EXT1: variants seen among roughly 807,000 people sequenced by gnomAD.
EXT1 encodes the protein exostosin-1.
In EXT1, 20 loss-of-function variants were observed where a neutral mutation model predicts 82.5. The ratio of observed to expected loss-of-function variants is 0.24; its 90% CI spans 0.17 to 0.35. The LOEUF (loss-of-function observed/expected upper bound fraction) is 0.35. Among genes scored for constraint, EXT1 ranks in the 10% least tolerant of loss-of-function variants. The pLI is 1.00. For synonymous variants in EXT1, 348 were observed against 350.8 expected (o/e 0.99, Z 0.09); for missense variants, 757 against 936.5 (o/e 0.81, Z 2.50).
chr8:118,083,890 G>A (rs979571094), intron 1 of EXT1, among the ~76,000 whole-genome samples: 2 of 152,060 alleles, frequency 1.3e-5, no homozygotes, highest in Non-Finnish European at 2.9e-5. Flanking sequence ...TTAGCCAGGT[G>A]TGGTGGTGGA....
intron 3 of EXT1, chr8:117,831,544 T>A: frequency 6.4e-6 from 3 of 470,474 alleles, no homozygotes; most frequent in Non-Finnish European, 1.3e-5. Flanking sequence ...ATTTACGGAG[T>A]CTATAGTCTT....
At chr8:117,954,904 TA>T (rs772391149) in intron 1 of EXT1, among the ~76,000 whole-genome samples, 2 of 152,160 alleles carry the variant, frequency 1.3e-5, no homozygotes, top group Non-Finnish European at 2.9e-5. Flanking sequence ...CACCACAGGT[TA>T]GGGGCTCAGA....
chr8:117,911,069 C>T lies in EXT1; in HGVS notation c.963-73868G>A, dbSNP rs57260876. On this transcript the variant is annotated intron_variant, in intron 1 of 10. Transcript: ENST00000378204. ...TGGCAAAGTGACCCTGACAATAACA[C>T]GTGCTCTCCAACCTTCAGCATCCTC... Among the ~76,000 whole-genome samples the T allele has an allele frequency of 6.6e-3, 1,007 of 152,324 alleles. 8 individuals are homozygous for T. Among genetic ancestry groups the T allele is most frequent in the African/African-American group, 0.019 (808 of 41,564 alleles).
At chr8:117,953,254 A>G (rs1169594738) in intron 1 of EXT1, among the ~76,000 whole-genome samples, 2 of 152,140 alleles carry the variant, frequency 1.3e-5, no homozygotes, top group Non-Finnish European at 2.9e-5. Flanking sequence ...ATCTGCTATA[A>G]TCTTTCCCTA....
chr8:117,993,743 A>G (rs572548105), intron 1 of EXT1, among the ~76,000 whole-genome samples: 2 of 152,336 alleles, frequency 1.3e-5, no homozygotes, highest in Admixed American at 1.3e-4. Flanking sequence ...TACAACTGTA[A>G]TTAACCAGGC....
At chr8:118,016,579 C>G (rs1166622528) in intron 1 of EXT1, among the ~76,000 whole-genome samples, 1 of 152,136 alleles carries the variant, frequency 6.6e-6, no homozygotes, top group Non-Finnish European at 1.5e-5. Flanking sequence ...AGAATTTAGT[C>G]TGGTGGGAAG....
intron 1 of EXT1, among the ~76,000 whole-genome samples, chr8:117,863,413 T>TG (rs999735916): frequency 3.6e-5 from 4 of 110,894 alleles, no homozygotes; most frequent in African/African-American, 5.3e-5. Flanking sequence ...AAGTCTAGGT[T>TG]TTTTTTTTTT....
chr8:118,010,713 C>T (rs929066219), intron 1 of EXT1, among the ~76,000 whole-genome samples: 1 of 152,224 alleles, frequency 6.6e-6, no homozygotes, highest in Non-Finnish European at 1.5e-5. Context: ...TCAATTCTCA[C>T]TGGCAACGGC....
chr8:117,854,820 G>A (rs1339670037), intron 1 of EXT1, among the ~76,000 whole-genome samples: 1 of 152,172 alleles, frequency 6.6e-6, no homozygotes, highest in South Asian at 2.1e-4. Context: ...AGCCAGAGAA[G>A]CATAACTAGA....
At chr8:117,835,694 A>C (rs1191922450) in intron 2 of EXT1, 143 bp from the exon 3 acceptor site, 11 of 683,158 alleles carry the variant, frequency 1.6e-5, no homozygotes, top group Non-Finnish European at 2.6e-5. Context: ...AAGGAAAGGA[A>C]GCTTTTATGA....
chr8:117,856,713 T>C (rs1368139460), intron 1 of EXT1, among the ~76,000 whole-genome samples: 3 of 152,158 alleles, frequency 2.0e-5, no homozygotes, highest in Non-Finnish European at 2.9e-5. Context: ...AGTACTGATC[T>C]AGAAGCTGCA....
Position 118,032,546 on chromosome 8 carries a change from C to T in EXT1, c.962+77539G>A, listed in dbSNP as rs919449713. On this transcript the variant is annotated intron_variant, in intron 1 of 10. Transcript: ENST00000378204. The stretch of plus-strand genomic sequence containing the variant: ...TTTTTTTGAGACAGAGTTTCGCTCT[C>T]GTTGCCCAGGCTGGAGTGCAATGGC... 8.9e-5 allele frequency among the ~76,000 whole-genome samples: 13 copies of T among 146,400 alleles called. No individual in the cohort carries two copies. In the East Asian group the frequency reaches 2.0e-3, roughly 22 times the overall value.
intron 8 of EXT1, 129 bp downstream of exon 8, chr8:117,812,743 C>T (rs1563875262): frequency 5.9e-6 from 5 of 843,778 alleles, no homozygotes; most frequent in Admixed American, 2.0e-5. Context: ...TTAAAACCAG[C>T]GCTGTAGGAA....
Position 118,111,230 on chromosome 8 carries a change from T to A in EXT1, c.-184A>T. 1.2e-6 allele frequency: 1 copy of A among 839,696 alleles called. No individual in the cohort carries two copies. The highest frequency in any genetic ancestry group is 1.9e-6 in the Non-Finnish European group (1 of 527,724). 52.0% of individuals were successfully genotyped at this position (839,696 alleles called of 1,614,324 possible). On this transcript the variant is annotated 5_prime_UTR_variant, in exon 1 of 11. The change abolishes the stop of an existing upstream ORF in the 5' untranslated region. Coordinates refer to ENST00000378204, the MANE Select transcript of EXT1 (RefSeq NM_000127.3). Reference sequence around the variant, plus strand: ...ATCCAGCGCATGTGGGCGATTTCTTTAACTTTCTCCCCTTCGGTCTTTCAT... The same window carrying A: ...ATCCAGCGCATGTGGGCGATTTCTTAAACTTTCTCCCCTTCGGTCTTTCAT...
chr8:118,069,377 C>T (rs1219069816), intron 1 of EXT1, among the ~76,000 whole-genome samples: 1 of 152,176 alleles, frequency 6.6e-6, no homozygotes, highest in African/African-American at 2.4e-5. Flanking sequence ...CAGCCCAGTA[C>T]CCCGTCTATT....
intron 8 of EXT1, among the ~76,000 whole-genome samples, chr8:117,809,209 GTGTGTATAAATATA>G (rs1377761666): frequency 1.2e-5 from 1 of 86,030 alleles, no homozygotes; most frequent in African/African-American, 4.1e-5. Flanking sequence ...ATATGTGTGT[GTGTGTATAAATATA>G]TATATATATA....
chr8:117,818,858 T>A (rs1811873850), intron 6 of EXT1, among the ~76,000 whole-genome samples: 1 of 152,118 alleles, frequency 6.6e-6, no homozygotes, highest in South Asian at 2.1e-4. Flanking sequence ...TTTCCTAAAT[T>A]CTGATATCTT....
intron 1 of EXT1, among the ~76,000 whole-genome samples, chr8:117,855,921 C>A (rs1179116632): frequency 6.6e-6 from 1 of 152,216 alleles, no homozygotes; most frequent in African/African-American, 2.4e-5. Flanking sequence ...CCACCCGCCT[C>A]GGCCTCCCAA....
chr8:117,870,669 C>T (rs751492673), intron 1 of EXT1, among the ~76,000 whole-genome samples: 1 of 152,082 alleles, frequency 6.6e-6, no homozygotes, highest in Non-Finnish European at 1.5e-5. Context: ...AGTAGGAGGC[C>T]TCTTCCTACT....
Sources: allele counts gnomAD v4.1 joint callset (sites outside exome capture counted in the v4.1 genomes callset), GRCh38; gene constraint gnomAD v4.1.1; transcripts MANE v1.5; gene names NCBI Gene and HGNC (gene_info 2026-07-23, HGNC 2026-07-21).